The following STOX2 variants were observed in gnomAD, a reference collection of about 807,000 sequenced individuals.
STOX2 encodes storkhead-box protein 2.
STOX2 carries 28 observed loss-of-function variants against 60.9 expected under a neutral mutation model. The observed-to-expected ratio is 0.46, with a 90% confidence interval of 0.34 to 0.63. The LOEUF (loss-of-function observed/expected upper bound fraction) is 0.63, where lower values mean the gene tolerates loss of function less well. Among genes scored for constraint, STOX2 ranks in the 30% least tolerant of loss-of-function variants. The pLI is 0.01. For missense variants in STOX2, 1,024 were observed against 1,187.7 expected (o/e 0.86, Z 2.03); for synonymous variants, 472 against 463.9 (o/e 1.02, Z -0.22).
chr4:183,951,661 C>T (rs1216209093), intron 1 of STOX2, among the ~76,000 whole-genome samples: 1 of 149,200 alleles, frequency 6.7e-6, no homozygotes, highest in Non-Finnish European at 1.5e-5. Flanking sequence ...GGTGAGTGGT[C>T]GGGTGCGGTG....
At chr4:183,942,309 A>G (rs928595482) in intron 1 of STOX2, among the ~76,000 whole-genome samples, 2 of 148,646 alleles carry the variant, frequency 1.3e-5, no homozygotes, top group African/African-American at 4.9e-5. Flanking sequence ...TTTGCATTAT[A>G]TATATATATA....
chr4:183,958,776 C>T lies in STOX2; in HGVS notation c.167-42549C>T, dbSNP rs189129283. ...GATGTCTGCCTCGGTGTCCCGGGCC[C>T]GCACTCCTCCAGTATCCCTCACTGG... On this transcript the variant is annotated intron_variant, in intron 1 of 3. Transcript: ENST00000308497. Among the ~76,000 whole-genome samples the T allele has an allele frequency of 4.6e-5, 7 of 152,260 alleles. No homozygotes were observed. In the East Asian group the frequency reaches 1.2e-3, roughly 25 times the overall value.
intron 1 of STOX2, among the ~76,000 whole-genome samples, chr4:183,929,991 G>A (rs1312566318): frequency 6.6e-6 from 1 of 151,910 alleles, no homozygotes; most frequent in African/African-American, 2.4e-5. Context: ...AGCCTCCCGA[G>A]TAGCTGGGAC....
chr4:183,836,860 A>T lies in STOX2; in HGVS notation c.364+38805A>T, dbSNP rs898018382. Among the ~76,000 whole-genome samples the T allele has an allele frequency of 6.6e-6, 1 of 152,220 alleles. No homozygotes were observed. Among genetic ancestry groups the T allele is most frequent in the African/African-American group, 2.4e-5 (1 of 41,462 alleles). On this transcript the variant is annotated intron_variant, in intron 1 of 2. Coordinates refer to the STOX2 transcript ENST00000513034. This position sits in a 1 kb window ranked among gnomAD's most constrained non-coding sequence, Gnocchi z 4.1. ...ATCTGGAATATTTGCTTCTAATTTGACTATACAGGTTTGGTACACCTTGGA... is the reference window on the plus strand; with the variant it reads ...ATCTGGAATATTTGCTTCTAATTTGTCTATACAGGTTTGGTACACCTTGGA...
At chr4:183,804,994 C>T (rs1738851913) in intron 1 of STOX2, among the ~76,000 whole-genome samples, 1 of 152,186 alleles carries the variant, frequency 6.6e-6, no homozygotes, top group Non-Finnish European at 1.5e-5. Flanking sequence ...TAAAAGGGCT[C>T]ATTAAACTGA....
In STOX2 at chr4:184,009,157, G is replaced by A; in HGVS notation, c.320-1G>A. The A allele has an allele frequency of 1.7e-5, 9 of 518,840 alleles. No individual in the cohort carries two copies. The highest frequency in any genetic ancestry group is 7.2e-5 in the South Asian group (2 of 27,632). 32.1% of individuals were successfully genotyped at this position (518,840 alleles called of 1,614,324 possible). On this transcript the variant is annotated splice_acceptor_variant, in intron 2 of 3. Coordinates refer to ENST00000308497, the MANE Select transcript of STOX2 (RefSeq NM_020225.3). LOFTEE classifies it high-confidence loss of function. The surrounding 1 kb of genome is among the most constrained non-coding windows in gnomAD (Gnocchi z 4.0). ...AGTGGTTTTTTTTTTTTTTTTTTCA[G>A]GTGTTCCAACGCCAAGCCAAGAAAT...
intron 3 of STOX2, 60 bp from the exon 4 acceptor site, chr4:184,017,029 C>G: frequency 7.2e-7 from 1 of 1,396,756 alleles, no homozygotes; most frequent in Non-Finnish European, 9.6e-7. Context: ...TCCTCTGGGG[C>G]TCAATTTATA....
intron 1 of STOX2, among the ~76,000 whole-genome samples, chr4:183,990,667 A>C (rs1244485757): frequency 7.8e-6 from 1 of 128,224 alleles, no homozygotes; most frequent in African/African-American, 3.1e-5. Context: ...GAATCTTCAC[A>C]GGGTATATTC....
rs188824871 is a variant in STOX2 at position 183,862,136 on chromosome 4, G to T, written c.364+64081G>T. Among the ~76,000 whole-genome samples, 348 of 152,060 alleles carry T rather than the reference G, an allele frequency of 2.3e-3. 3 individuals carry two copies. The highest frequency in any genetic ancestry group is 7.6e-3 in the African/African-American group (313 of 41,454). The stretch of plus-strand genomic sequence containing the variant: ...GACAACAAAAGCATATGAGAATGAG[G>T]GGATTTCAGATAACGTTAAGTGTTT... On this transcript the variant is annotated intron_variant, in intron 1 of 2. Coordinates refer to the STOX2 transcript ENST00000513034.
At chr4:183,847,447 T>A (rs1740014203) in intron 1 of STOX2, among the ~76,000 whole-genome samples, 2 of 152,208 alleles carry the variant, frequency 1.3e-5, no homozygotes, top group Admixed American at 1.3e-4. Flanking sequence ...TATTGGGTAG[T>A]CACTTCACCA....
At chr4:183,925,606 C>T (rs1284571718) in intron 1 of STOX2, among the ~76,000 whole-genome samples, 2 of 152,170 alleles carry the variant, frequency 1.3e-5, no homozygotes, top group African/African-American at 4.8e-5. Context: ...AAATTGATCA[C>T]CTAATTAAGC....
At chr4:183,967,545 A>T (rs1391275441) in intron 1 of STOX2, among the ~76,000 whole-genome samples, 1 of 152,054 alleles carries the variant, frequency 6.6e-6, no homozygotes, top group Non-Finnish European at 1.5e-5. Context: ...ACGGGAGCAT[A>T]CACTGGCCAC....
chr4:183,846,290 T>A (rs1248326618), intron 1 of STOX2, among the ~76,000 whole-genome samples: 1 of 152,236 alleles, frequency 6.6e-6, no homozygotes, highest in Non-Finnish European at 1.5e-5. Flanking sequence ...TGTGAATTTA[T>A]CATGCTTGGA....
In STOX2 at chr4:183,821,929, C is replaced by A. The variant is rs1277814080; in HGVS notation, c.364+23874C>A. Among the ~76,000 whole-genome samples, 8 of 152,384 alleles carry A rather than the reference C, an allele frequency of 5.2e-5. No individual in the cohort carries two copies. The highest frequency in any genetic ancestry group is 5.2e-4 in the Admixed American group (8 of 15,310). On this transcript the variant is annotated intron_variant, in intron 1 of 2. Coordinates refer to the STOX2 transcript ENST00000513034. This position sits in a 1 kb window ranked among gnomAD's most constrained non-coding sequence, Gnocchi z 4.2. ...GCTTTAGAAGTCTATGTCCCCCACC[C>A]TGCCCTTCCCTAAAAAGGACGCTTG...
intron 1 of STOX2, among the ~76,000 whole-genome samples, chr4:183,812,930 TG>T (rs1167019303): frequency 2.0e-5 from 3 of 152,250 alleles, no homozygotes; most frequent in Non-Finnish European, 4.4e-5. Context: ...TTTCACACAC[TG>T]CCTTCTCAAG....
intron 1 of STOX2, among the ~76,000 whole-genome samples, chr4:183,861,417 G>A (rs958625134): frequency 3.9e-5 from 6 of 152,196 alleles, no homozygotes; most frequent in African/African-American, 1.4e-4. Flanking sequence ...AGATACCCAG[G>A]AAGAGGGAGA....
intron 1 of STOX2, among the ~76,000 whole-genome samples, chr4:183,864,470 T>G (rs976112838): frequency 6.6e-6 from 1 of 152,190 alleles, no homozygotes; most frequent in African/African-American, 2.4e-5. Flanking sequence ...CTCAGCTCAC[T>G]GCAACCTCCA....
chr4:183,945,524 A>G (rs72695391), intron 1 of STOX2, among the ~76,000 whole-genome samples: 13,315 of 152,276 alleles, frequency 0.087, 670 homozygotes, highest in Middle Eastern at 0.21. Flanking sequence ...GTTGTGCTCA[A>G]GATGGTTTTG....
intron 1 of STOX2, among the ~76,000 whole-genome samples, chr4:183,854,702 A>G (rs768059800): frequency 1.3e-5 from 2 of 152,254 alleles, no homozygotes; most frequent in Non-Finnish European, 2.9e-5. Context: ...AAACTTTCTC[A>G]TAAATGATTT....
Sources: allele counts gnomAD v4.1 joint callset (sites outside exome capture counted in the v4.1 genomes callset), GRCh38; gene constraint gnomAD v4.1.1; non-coding constraint Gnocchi (gnomAD v3.1); transcripts MANE v1.5; gene names NCBI Gene and HGNC (gene_info 2026-07-23, HGNC 2026-07-21).